GNPDA2: variants seen among roughly 807,000 people sequenced by gnomAD.
GNPDA2 encodes glucosamine-6-phosphate deaminase 2, also known as glcN6P deaminase 2.
GNPDA2 carries 24 observed loss-of-function variants against 27.0 expected under a neutral mutation model. That is an observed-to-expected ratio of 0.89 (90% CI 0.64 to 1.25). The LOEUF is 1.25. Among genes scored for constraint, GNPDA2 ranks in the 50% most tolerant of loss-of-function variants. The pLI is 0.00. For synonymous variants in GNPDA2, 94 were observed against 108.4 expected, an observed-to-expected ratio of 0.87 and a Z score of 0.83; for missense variants, 286 against 335.1, an observed-to-expected ratio of 0.85 and a Z score of 1.14.
At chr4:44,724,132 T>G (rs547816289) in intron 1 of GNPDA2, among the ~76,000 whole-genome samples, 1 of 152,176 alleles carries the variant, frequency 6.6e-6, no homozygotes, top group Non-Finnish European at 1.5e-5. Flanking sequence ...AAGTTTGCGT[T>G]AATTGGTTAA....
rs1328244935 is a variant in GNPDA2 at position 44,707,853 on chromosome 4, A to G, written c.668T>C (p.Met223Thr). 2.0e-5 allele frequency: 32 copies of G among 1,613,122 alleles called. No individual in the cohort carries two copies. The Admixed American group carries it at 5.3e-4, about 27-fold the overall frequency. The change falls in exon 6 of 7, where the codon ATG becomes ACG. Residue 223 changes from methionine (M) to threonine (T), a missense_variant. By Grantham distance (81) the Met-to-Thr change is moderately conservative (BLOSUM62 -1). Coordinates refer to ENST00000295448, the MANE Select transcript of GNPDA2 (RefSeq NM_138335.3). Reference protein sequence around the residue: ...YKAIEEGVNHMWTVSAFQQHP... With the variant: ...YKAIEEGVNHTWTVSAFQQHP... ...CTGCTGGAAAGCGGAAACAGTCCAC[A>G]TGTGATTGACTCCTTCTTCTATTGC...
intron 5 of GNPDA2, among the ~76,000 whole-genome samples, chr4:44,709,097 A>C (rs1716803963): frequency 1.3e-5 from 2 of 152,242 alleles, no homozygotes; most frequent in South Asian, 2.1e-4. Flanking sequence ...TTATGGATGC[A>C]CACTCTAAAA....
At chr4:44,703,374 A>G (rs1423257941) in intron 6 of GNPDA2, 44 of 1,267,602 alleles carry the variant, frequency 3.5e-5, no homozygotes, top group Non-Finnish European at 4.3e-5. Flanking sequence ...TAGAATGTGT[A>G]CAGGTACTTT....
At chr4:44,708,235 C>CA (rs1716739759) in intron 5 of GNPDA2, among the ~76,000 whole-genome samples, 1 of 151,876 alleles carries the variant, frequency 6.6e-6, no homozygotes, top group Non-Finnish European at 1.5e-5. Context: ...GAAAAAGAAA[C>CA]AAAAGGACTG....
intron 6 of GNPDA2, chr4:44,706,995 T>C (rs1224090317): frequency 6.6e-6 from 1 of 152,076 alleles, no homozygotes; most frequent in Non-Finnish European, 1.5e-5. Flanking sequence ...TTATGAAAAT[T>C]ACCTGTTTGT....
At chr4:44,720,468 A>G (rs1324944148) in intron 2 of GNPDA2, among the ~76,000 whole-genome samples, 2 of 152,278 alleles carry the variant, frequency 1.3e-5, no homozygotes, top group African/African-American at 2.4e-5. Flanking sequence ...AAATATGCCT[A>G]GCCCAGTTCT....
intron 2 of GNPDA2, 36 bp downstream of exon 2, chr4:44,722,048 A>C: frequency 7.0e-7 from 1 of 1,434,374 alleles, no homozygotes; most frequent in Non-Finnish European, 9.7e-7. Context: ...AATTTAGATA[A>C]TATCAGAATA....
chr4:44,721,286 A>G (rs1397497462), intron 2 of GNPDA2, among the ~76,000 whole-genome samples: 20 of 152,326 alleles, frequency 1.3e-4, no homozygotes, highest in Non-Finnish European at 1.5e-5. Context: ...AGACTACAGT[A>G]TACAAGGGAC....
chr4:44,706,029 T>C (rs1012628717), intron 6 of GNPDA2: 1 of 151,886 alleles, frequency 6.6e-6, no homozygotes, highest in Non-Finnish European at 1.5e-5. Flanking sequence ...CAGGGATTTA[T>C]CTGGGACTTA....
intron 6 of GNPDA2, chr4:44,707,368 A>C (rs1716670399): frequency 4.1e-6 from 1 of 240,972 alleles, no homozygotes; most frequent in South Asian, 1.8e-4. Context: ...TTCTAAATTA[A>C]GGTTAGAGGG....
At chr4:44,715,036 A>T (rs1717191239) in intron 4 of GNPDA2, among the ~76,000 whole-genome samples, 1 of 152,164 alleles carries the variant, frequency 6.6e-6, no homozygotes, top group Non-Finnish European at 1.5e-5. Flanking sequence ...GTCAGTGATA[A>T]ACATATATAA....
At chr4:44,716,882 C>T (rs1221836274) in intron 4 of GNPDA2, among the ~76,000 whole-genome samples, 2 of 151,686 alleles carry the variant, frequency 1.3e-5, no homozygotes, top group Admixed American at 6.6e-5. Context: ...TGGGATCTAC[C>T]TCTCAAGGCA....
intron 1 of GNPDA2, among the ~76,000 whole-genome samples, chr4:44,725,728 G>C (rs929719289): frequency 6.6e-6 from 1 of 151,782 alleles, no homozygotes; most frequent in Non-Finnish European, 1.5e-5. Context: ...AATCCTCAGA[G>C]ATCCAAACTA....
chr4:44,722,581 C>CT (rs564953654), intron 1 of GNPDA2, among the ~76,000 whole-genome samples: 40 of 151,948 alleles, frequency 2.6e-4, no homozygotes, highest in Non-Finnish European at 2.5e-4. Flanking sequence ...CAGGTACAGA[C>CT]TTTTTTTTGT....
At position 44,722,155 on chromosome 4, in the gene GNPDA2, T is replaced by C. The variant is rs763197890; in HGVS notation, c.53A>G (p.Lys18Arg). 9.3e-6 allele frequency: 15 copies of C among 1,613,316 alleles called. No homozygotes were observed. Among genetic ancestry groups the C allele is most frequent in the Non-Finnish European group, 1.3e-5 (15 of 1,179,446 alleles). Reference protein sequence around the residue: ...NYDLASEWAAKYICNRIIQFK... With the variant: ...NYDLASEWAARYICNRIIQFK... ...CTGAATGATGCGATTACAGATGTAT[T>C]TGGCTGCCCATTCACTAGCCAAGTC... Residue 18 changes from lysine to arginine, a missense_variant, in exon 2 of 7, where the codon AAA becomes AGA. By Grantham distance (26) the Lys-to-Arg change is conservative. Coordinates refer to ENST00000295448, the MANE Select transcript of GNPDA2 (RefSeq NM_138335.3).
At chr4:44,703,364 T>G (rs1386037565) in intron 6 of GNPDA2, 1 of 1,313,070 alleles carries the variant, frequency 7.6e-7, no homozygotes, top group African/African-American at 1.5e-5. Context: ...AGTGCAGATC[T>G]AGAATGTGTA....
In GNPDA2 at chr4:44,718,402, G is replaced by T. The variant is rs1010457412; in HGVS notation, c.133C>A (p.Pro45Thr). 7 of 1,252,600 alleles carry T rather than the reference G, an allele frequency of 5.6e-6. No homozygotes were observed. Among genetic ancestry groups the T allele is most frequent in the Non-Finnish European group, 7.7e-6 (7 of 903,934 alleles). 77.6% of individuals were successfully genotyped at this position (1,252,600 alleles called of 1,614,324 possible). Residue 45 changes from proline (P) to threonine (T), a missense_variant, in exon 3 of 7, where the codon CCT becomes ACT. Coordinates refer to ENST00000295448, the MANE Select transcript of GNPDA2 (RefSeq NM_138335.3). ...FTLGLPTGST[P>T]LGCYKKLIEY... ...ATTAGTTTTTTATAGCATCCTAAAG[G>T]TGTACTCCCTAAAAGACATAAAAAT...
At chr4:44,722,312 G>C in intron 1 of GNPDA2, 70 bp from the exon 2 acceptor site, 2 of 1,186,062 alleles carry the variant, frequency 1.7e-6, no homozygotes, top group Non-Finnish European at 2.3e-6. Flanking sequence ...CTTTTTAAAA[G>C]ATGTAAATAA....
intron 4 of GNPDA2, among the ~76,000 whole-genome samples, chr4:44,716,519 T>TACAC (rs4034901): frequency 6.0e-5 from 9 of 151,128 alleles, no homozygotes; most frequent in Non-Finnish European, 1.0e-4. Context: ...AGATTATATA[T>TACAC]ACACACACAT....
Sources: allele counts gnomAD v4.1 joint callset (sites outside exome capture counted in the v4.1 genomes callset), GRCh38; gene constraint gnomAD v4.1.1; transcripts MANE v1.5; gene names NCBI Gene and HGNC (gene_info 2026-07-23, HGNC 2026-07-21).